TP63: variants seen among roughly 807,000 people sequenced by gnomAD.
The protein encoded by TP63 is tumor protein 63.
In TP63, 17 loss-of-function variants were observed where a neutral mutation model predicts 82.8. The ratio of observed to expected loss-of-function variants is 0.21; its 90% CI spans 0.14 to 0.31. TP63 has a LOEUF of 0.31. Among genes scored for constraint, TP63 ranks in the 10% least tolerant of loss-of-function variants. TP63 has a pLI of 1.00. For missense variants in TP63, 648 were observed against 895.3 expected, an observed-to-expected ratio of 0.72 and a Z score of 3.52; for synonymous variants, 330 against 321.7, an observed-to-expected ratio of 1.03 and a Z score of -0.28.
intron 3 of TP63, among the ~76,000 whole-genome samples, chr3:189,796,654 A>G (rs1332554193): frequency 6.6e-6 from 1 of 152,066 alleles, no homozygotes; most frequent in Non-Finnish European, 1.5e-5. Flanking sequence ...GTTCCACTAA[A>G]TACAACCTCC....
chr3:189,677,810 T>C (rs1318287303), intron 1 of TP63, among the ~76,000 whole-genome samples: 2 of 152,142 alleles, frequency 1.3e-5, no homozygotes, highest in African/African-American at 4.8e-5. Flanking sequence ...TAAGATGGTA[T>C]CTCATTGTGG....
chr3:189,793,333 C>A (rs1248534449), intron 3 of TP63, among the ~76,000 whole-genome samples: 1 of 152,052 alleles, frequency 6.6e-6, no homozygotes, highest in Non-Finnish European at 1.5e-5. Flanking sequence ...CAGCATGTCA[C>A]ACGTACAGCA....
chr3:189,796,177 A>G (rs1213501461), intron 3 of TP63, among the ~76,000 whole-genome samples: 1 of 152,074 alleles, frequency 6.6e-6, no homozygotes, highest in Admixed American at 6.6e-5. Flanking sequence ...AAATATGAAT[A>G]TCCCATTTAA....
chr3:189,837,129 T>C (rs1406640065), intron 4 of TP63, among the ~76,000 whole-genome samples: 1 of 152,176 alleles, frequency 6.6e-6, no homozygotes, highest in Non-Finnish European at 1.5e-5. Context: ...AGGTGGTGTT[T>C]CGCAGTCAAC....
At chr3:189,774,278 C>CA (rs374522051) in intron 3 of TP63, among the ~76,000 whole-genome samples, 1 of 152,026 alleles carries the variant, frequency 6.6e-6, no homozygotes, top group Non-Finnish European at 1.5e-5. Context: ...AAAACAAAAA[C>CA]AAAAAAACCA....
chr3:189,762,617 A>C (rs946618379), intron 3 of TP63, among the ~76,000 whole-genome samples: 2 of 152,238 alleles, frequency 1.3e-5, no homozygotes, highest in African/African-American at 4.8e-5. Flanking sequence ...ATGATTATTC[A>C]GTGGTTGGCT....
At chr3:189,761,549 T>C (rs970759522) in intron 3 of TP63, among the ~76,000 whole-genome samples, 1 of 152,198 alleles carries the variant, frequency 6.6e-6, no homozygotes, top group Non-Finnish European at 1.5e-5. Flanking sequence ...ATCAGCATTT[T>C]TGTCAAAGCC....
the TP63 span, among the ~76,000 whole-genome samples, chr3:189,608,038 A>T: frequency 2.0e-5 from 3 of 152,116 alleles, no homozygotes; most frequent in Non-Finnish European, 4.4e-5. Context: ...AAGATCTCTG[A>T]TAACAACTAA....
rs183198764 is a variant in TP63 at position 189,791,962 on chromosome 3, G to C, written c.325-16310G>C. Among the ~76,000 whole-genome samples, 151 of 151,898 alleles carry C rather than the reference G, an allele frequency of 9.9e-4. No individual in the cohort carries two copies. The Middle Eastern group carries it at 0.024, about 24-fold the overall frequency. On this transcript the variant is annotated intron_variant, in intron 3 of 13. Transcript: ENST00000264731. ...ATTACACAAGAATTGTTAAACATTGGGTAGATTAAAAATGAAAAAGGCATA... is the reference window on the plus strand; with the variant it reads ...ATTACACAAGAATTGTTAAACATTGCGTAGATTAAAAATGAAAAAGGCATA...
At chr3:189,786,571 A>T (rs775555656) in intron 3 of TP63, among the ~76,000 whole-genome samples, 2 of 151,924 alleles carry the variant, frequency 1.3e-5, no homozygotes, top group Non-Finnish European at 2.9e-5. Context: ...AGTCAACAAA[A>T]TGTTAGCATT....
intron 1 of TP63, among the ~76,000 whole-genome samples, chr3:189,698,081 T>C (rs563886226): frequency 1.3e-5 from 2 of 152,234 alleles, no homozygotes; most frequent in South Asian, 4.1e-4. Flanking sequence ...ATAGGACTGG[T>C]GATAAAAGAC....
In TP63 at chr3:189,808,542, A is replaced by G. The variant is rs377354112; in HGVS notation, c.579+16A>G. ...CACCTGGACGGTAAGAGCAGCGGGC[A>G]CGCACATACCTGACCCCCCAAGTCC... On this transcript the variant is annotated intron_variant, in intron 4 of 13. Coordinates refer to ENST00000264731, the MANE Select transcript of TP63 (RefSeq NM_003722.5). 9.9e-6 allele frequency: 16 copies of G among 1,612,692 alleles called. No individual in the cohort carries two copies. Among genetic ancestry groups the G allele is most frequent in the African/African-American group, 1.3e-5 (1 of 74,920 alleles).
At chr3:189,792,790 A>G (rs1178002297) in intron 3 of TP63, among the ~76,000 whole-genome samples, 1 of 152,072 alleles carries the variant, frequency 6.6e-6, no homozygotes, top group East Asian at 1.9e-4. Context: ...AGTTGTACAA[A>G]GCCAGTTGAA....
chr3:189,606,741 C>T, the TP63 span, among the ~76,000 whole-genome samples: 50,843 of 151,614 alleles, frequency 0.34, 9,198 homozygotes, highest in Middle Eastern at 0.43. Flanking sequence ...CTACTCCTGG[C>T]CTCAAGTGAT....
the TP63 span, among the ~76,000 whole-genome samples, chr3:189,624,001 G>A: frequency 0.34 from 51,752 of 152,000 alleles, 9,156 homozygotes; most frequent in Non-Finnish European, 0.38. Flanking sequence ...TGGCGCTTTA[G>A]CACAAGTATG....
chr3:189,862,782 G>A (rs1246411291), intron 4 of TP63, among the ~76,000 whole-genome samples: 2 of 152,164 alleles, frequency 1.3e-5, no homozygotes, highest in Non-Finnish European at 2.9e-5. Context: ...ATTTCATTCA[G>A]TGTTTCCCAA....
In TP63 at chr3:189,694,900, G is replaced by A. The variant is rs559634347; in HGVS notation, c.63-42840G>A. ...GGCTCACTGCAACCTCCAACTCCTGGTTTCAAGTGATTCTCCTGCCTCAGC... is the reference window on the plus strand; with the variant it reads ...GGCTCACTGCAACCTCCAACTCCTGATTTCAAGTGATTCTCCTGCCTCAGC... On this transcript the variant is annotated intron_variant, in intron 1 of 13. Coordinates refer to ENST00000264731, the MANE Select transcript of TP63 (RefSeq NM_003722.5). 3.0e-5 allele frequency among the ~76,000 whole-genome samples: 4 copies of A among 132,410 alleles called. No homozygotes were observed. The South Asian group carries it at 1.0e-3, about 34-fold the overall frequency. 86.9% of individuals were successfully genotyped at this position (132,410 alleles called of 152,430 possible).
At chr3:189,860,088 C>T (rs946963053) in intron 4 of TP63, among the ~76,000 whole-genome samples, 1 of 152,016 alleles carries the variant, frequency 6.6e-6, no homozygotes, top group African/African-American at 2.4e-5. Flanking sequence ...TCAGCTTTTG[C>T]ACTTAAAAAC....
At chr3:189,702,019 T>C (rs994683871) in intron 1 of TP63, among the ~76,000 whole-genome samples, 1 of 152,212 alleles carries the variant, frequency 6.6e-6, no homozygotes, top group Non-Finnish European at 1.5e-5. Flanking sequence ...AAATGCATTA[T>C]CTTAGGGAGC....
Sources: gnomAD v4.1 joint callset for allele counts (sites outside exome capture counted in the v4.1 genomes callset) on GRCh38, gnomAD v4.1.1 for gene constraint, MANE v1.5 for transcripts, NCBI Gene and HGNC (gene_info 2026-07-23, HGNC 2026-07-21) for gene names.